The following CNTNAP2 variants were observed in gnomAD, a reference collection of about 807,000 sequenced individuals.
CNTNAP2 encodes the protein contactin-associated protein-like 2.
CNTNAP2 carries 98 observed loss-of-function variants against 155.2 expected under a neutral mutation model. The ratio of observed to expected loss-of-function variants is 0.63; its 90% confidence interval spans 0.54 to 0.75. The LOEUF (loss-of-function observed/expected upper bound fraction) is 0.75. Among genes scored for constraint, CNTNAP2 ranks in the 30% least tolerant of loss-of-function variants. The pLI, the probability that CNTNAP2 is intolerant of heterozygous loss-of-function variation, is 0.00. For missense variants in CNTNAP2, 1,727 were observed against 1,688.1 expected (o/e 1.02, Z -0.40); for synonymous variants, 651 against 631.2 (o/e 1.03, Z -0.47).
chr7:148,149,633 C>T (rs1004779669), intron 17 of CNTNAP2, among the ~76,000 whole-genome samples: 1 of 152,118 alleles, frequency 6.6e-6, no homozygotes, highest in African/African-American at 2.4e-5. Context: ...CTCACTGCAA[C>T]CTCCACCTCC....
intron 11 of CNTNAP2, among the ~76,000 whole-genome samples, chr7:147,552,654 A>C (rs778795499): frequency 6.6e-6 from 1 of 151,992 alleles, no homozygotes; most frequent in African/African-American, 2.4e-5. Flanking sequence ...TCATTTCCTT[A>C]GTGAATCACA....
At chr7:147,008,804 C>A (rs907099241) in intron 3 of CNTNAP2, among the ~76,000 whole-genome samples, 91 of 152,090 alleles carry the variant, frequency 6.0e-4, no homozygotes, top group African/African-American at 2.2e-3. Context: ...TTTATCTGGA[C>A]TTTTTCTCTG....
intron 15 of CNTNAP2, among the ~76,000 whole-genome samples, chr7:147,982,322 G>A (rs1224133109): frequency 6.6e-6 from 1 of 151,918 alleles, no homozygotes; most frequent in Non-Finnish European, 1.5e-5. Context: ...AAAATCAAAT[G>A]TTTTCAGTAA....
At chr7:146,572,520 A>G (rs1798458125) in intron 1 of CNTNAP2, among the ~76,000 whole-genome samples, 1 of 152,174 alleles carries the variant, frequency 6.6e-6, no homozygotes, top group African/African-American at 2.4e-5. Flanking sequence ...GAAAACCATC[A>G]GTCAAGTAAC....
intron 21 of CNTNAP2, among the ~76,000 whole-genome samples, chr7:148,371,117 A>G (rs1798879549): frequency 6.6e-6 from 1 of 152,060 alleles, no homozygotes; most frequent in African/African-American, 2.4e-5. Flanking sequence ...CCTTTTCATG[A>G]CTCAGTCAGG....
At chr7:148,000,587 A>G (rs1333169663) in intron 15 of CNTNAP2, among the ~76,000 whole-genome samples, 1 of 152,178 alleles carries the variant, frequency 6.6e-6, no homozygotes, top group Non-Finnish European at 1.5e-5. Context: ...TAACCCAGGC[A>G]AATTGGCTCC....
chr7:147,562,874 T>G (rs1397193674), intron 12 of CNTNAP2, among the ~76,000 whole-genome samples: 1 of 152,084 alleles, frequency 6.6e-6, no homozygotes, highest in Non-Finnish European at 1.5e-5. Context: ...AGATTTTCCA[T>G]CAGACACTTG....
At chr7:147,509,600 T>C (rs1798979588) in intron 11 of CNTNAP2, among the ~76,000 whole-genome samples, 1 of 152,114 alleles carries the variant, frequency 6.6e-6, no homozygotes. Flanking sequence ...AATTTTTTGG[T>C]ATCACTGAGA....
intron 13 of CNTNAP2, among the ~76,000 whole-genome samples, chr7:147,882,350 C>T (rs968744558): frequency 3.3e-5 from 5 of 152,198 alleles, no homozygotes; most frequent in African/African-American, 4.8e-5. Flanking sequence ...CACTCTTGCA[C>T]TGGCTGGAAT....
chr7:147,785,382 T>C (rs1797724241), intron 13 of CNTNAP2, among the ~76,000 whole-genome samples: 2 of 151,936 alleles, frequency 1.3e-5, no homozygotes, highest in Admixed American at 6.6e-5. Context: ...CCCAATAAGA[T>C]GAGAGCCAAA....
intron 1 of CNTNAP2, among the ~76,000 whole-genome samples, chr7:146,735,208 C>A (rs1279002165): frequency 6.6e-6 from 1 of 152,042 alleles, no homozygotes; most frequent in African/African-American, 2.4e-5. Flanking sequence ...CCTGAAAATG[C>A]CATTCTTACC....
chr7:148,237,842 G>A (rs1458389124), intron 20 of CNTNAP2, among the ~76,000 whole-genome samples: 1 of 152,168 alleles, frequency 6.6e-6, no homozygotes, highest in Non-Finnish European at 1.5e-5. Context: ...CTTTCTATAT[G>A]TGGAAAAGTG....
At chr7:146,471,023 G>A (rs951889705) in intron 1 of CNTNAP2, among the ~76,000 whole-genome samples, 3 of 152,064 alleles carry the variant, frequency 2.0e-5, no homozygotes, top group South Asian at 2.1e-4. Flanking sequence ...TGTTTGTAAC[G>A]ATACTTACAT....
intron 10 of CNTNAP2, among the ~76,000 whole-genome samples, chr7:147,408,888 G>A (rs1797055396): frequency 6.6e-6 from 1 of 152,164 alleles, no homozygotes. Context: ...CTGATTACCT[G>A]GGCAGAGGTG....
chr7:147,249,064 T>C (rs1804128647), intron 8 of CNTNAP2, among the ~76,000 whole-genome samples: 1 of 152,204 alleles, frequency 6.6e-6, no homozygotes, highest in South Asian at 2.1e-4. Flanking sequence ...GGGAAATTTG[T>C]ACCCAACCTA....
At chr7:146,839,037 AT>A (rs1469960498) in intron 2 of CNTNAP2, among the ~76,000 whole-genome samples, 4 of 152,058 alleles carry the variant, frequency 2.6e-5, no homozygotes. Context: ...CATTCTTACT[AT>A]TTGCTGAGCA....
intron 1 of CNTNAP2, among the ~76,000 whole-genome samples, chr7:146,354,448 T>C (rs1009500321): frequency 1.6e-4 from 24 of 146,058 alleles, no homozygotes; most frequent in African/African-American, 6.3e-4. Context: ...AGAATCTCAC[T>C]CTGTCGCCCC....
chr7:146,241,831 C>T (rs1799567644), intron 1 of CNTNAP2, among the ~76,000 whole-genome samples: 1 of 144,492 alleles, frequency 6.9e-6, no homozygotes, highest in African/African-American at 2.9e-5. Flanking sequence ...TATACACACA[C>T]ACACACAAAC....
chr7:147,376,790 A>C (rs751156939), intron 9 of CNTNAP2, among the ~76,000 whole-genome samples: 30 of 152,014 alleles, frequency 2.0e-4, no homozygotes, highest in Non-Finnish European at 3.4e-4. Context: ...ATAGGATCAA[A>C]TTCAGACACC....
Sources: gnomAD v4.1 joint callset for allele counts (sites outside exome capture counted in the v4.1 genomes callset) on GRCh38, gnomAD v4.1.1 for gene constraint, MANE v1.5 for transcripts, NCBI Gene and HGNC (gene_info 2026-07-23, HGNC 2026-07-21) for gene names.